The following FTO variants were observed in gnomAD, a reference collection of about 807,000 sequenced individuals.
The protein encoded by FTO is FTO alpha-ketoglutarate dependent dioxygenase, also known as alpha-ketoglutarate-dependent dioxygenase FTO.
A neutral mutation model predicts 63.9 loss-of-function variants in FTO; 47 were observed. That is an observed-to-expected ratio of 0.74 (90% CI 0.58 to 0.94). The LOEUF (loss-of-function observed/expected upper bound fraction) is 0.94, where lower values mean the gene tolerates loss of function less well. Ranked by LOEUF, FTO falls within the 40% of genes least tolerant of loss-of-function variation. The pLI, the probability that FTO is intolerant of heterozygous loss-of-function variation, is 0.00. For missense variants in FTO, 562 were observed against 618.1 expected (o/e 0.91, Z 0.96); for synonymous variants, 207 against 224.4 (o/e 0.92, Z 0.69).
intron 7 of FTO, among the ~76,000 whole-genome samples, chr16:53,908,645 A>G (rs1598963705): frequency 6.6e-6 from 1 of 152,218 alleles, no homozygotes; most frequent in Admixed American, 6.5e-5. Flanking sequence ...GTACTTTGGC[A>G]CTTCAGAGCC....
chr16:53,718,684 T>G (rs2075954451), intron 1 of FTO, among the ~76,000 whole-genome samples: 1 of 152,168 alleles, frequency 6.6e-6, no homozygotes, highest in Non-Finnish European at 1.5e-5. Flanking sequence ...AGGTTGAATT[T>G]TATTGAATTT....
chr16:53,967,562 G>A (rs1407888192), intron 8 of FTO, among the ~76,000 whole-genome samples: 2 of 152,136 alleles, frequency 1.3e-5, no homozygotes, highest in African/African-American at 4.8e-5. Flanking sequence ...ACAAGCCAAC[G>A]CAGTGAAATT....
At chr16:53,738,111 C>T (rs1201999834) in intron 1 of FTO, among the ~76,000 whole-genome samples, 4 of 151,064 alleles carry the variant, frequency 2.6e-5, no homozygotes, top group Non-Finnish European at 4.4e-5. Context: ...CAGCAACCTC[C>T]GCCTCCTGGG....
chr16:54,016,308 A>C (rs1156389565), intron 8 of FTO, among the ~76,000 whole-genome samples: 3 of 150,264 alleles, frequency 2.0e-5, no homozygotes, highest in Non-Finnish European at 3.0e-5. Flanking sequence ...AAAAAAAAAA[A>C]AAAAAAACTG....
chr16:54,053,969 T>C (rs1489268436), intron 8 of FTO, among the ~76,000 whole-genome samples: 1 of 152,160 alleles, frequency 6.6e-6, no homozygotes, highest in Non-Finnish European at 1.5e-5. Flanking sequence ...GGTTCTCTTT[T>C]GGCTCCTGCA....
intron 1 of FTO, among the ~76,000 whole-genome samples, chr16:53,808,925 G>A (rs1425462092): frequency 3.9e-5 from 6 of 152,166 alleles, no homozygotes; most frequent in African/African-American, 1.4e-4. Flanking sequence ...GATAATGTCT[G>A]TTGTATGTAC....
intron 8 of FTO, among the ~76,000 whole-genome samples, chr16:54,089,047 C>T (rs147482575): frequency 5.4e-4 from 82 of 152,178 alleles, no homozygotes; most frequent in African/African-American, 1.8e-3. Flanking sequence ...GGTTTGAGGG[C>T]GAATTCCGTG....
chr16:54,071,085 C>T (rs1332620491), intron 8 of FTO: 1 of 152,248 alleles, frequency 6.6e-6, no homozygotes, highest in Non-Finnish European at 1.5e-5. Flanking sequence ...AGCTCAGTCT[C>T]ATGGCAGCCA....
chr16:54,052,700 TG>T (rs1286410259), intron 8 of FTO: 1 of 150,590 alleles, frequency 6.6e-6, no homozygotes, highest in African/African-American at 2.5e-5. Flanking sequence ...TCTCAATTAT[TG>T]GTGTGGATAT....
intron 8 of FTO, among the ~76,000 whole-genome samples, chr16:53,959,170 A>G (rs1019378838): frequency 2.6e-5 from 4 of 152,224 alleles, no homozygotes; most frequent in Admixed American, 2.0e-4. Flanking sequence ...AAAGATGTCA[A>G]GTAACCTTCC....
chr16:53,835,670 G>A (rs1229479844), intron 3 of FTO, among the ~76,000 whole-genome samples: 2 of 151,768 alleles, frequency 1.3e-5, no homozygotes, highest in Non-Finnish European at 2.9e-5. Flanking sequence ...TCATTGTGTA[G>A]GGCTTTCAAT....
chr16:53,787,086 G>A (rs2077761054), intron 1 of FTO, among the ~76,000 whole-genome samples: 1 of 120,720 alleles, frequency 8.3e-6, no homozygotes, highest in Non-Finnish European at 1.6e-5. Flanking sequence ...ACTCTAGCCT[G>A]GGCAACAGAG....
chr16:53,987,108 G>C (rs1289909214), intron 8 of FTO, among the ~76,000 whole-genome samples: 2 of 151,868 alleles, frequency 1.3e-5, no homozygotes, highest in African/African-American at 4.8e-5. Context: ...CCAGTCGCTG[G>C]AATACGTCTT....
intron 8 of FTO, among the ~76,000 whole-genome samples, chr16:53,947,055 T>G (rs77271058): frequency 6.6e-6 from 1 of 152,156 alleles, no homozygotes; most frequent in East Asian, 1.9e-4. Context: ...ATCTTGAAGG[T>G]AAAATGTAAC....
chr16:53,886,996 T>G (rs1373615123), intron 6 of FTO: 9 of 152,214 alleles, frequency 5.9e-5, no homozygotes, highest in Non-Finnish European at 1.5e-5. Flanking sequence ...ACCTTGATTT[T>G]CAAGTTGATG....
chr16:53,844,068 T>C (rs2079549769), intron 3 of FTO, 87 bp from the exon 4 acceptor site: 1 of 1,010,084 alleles, frequency 9.9e-7, no homozygotes, highest in South Asian at 1.5e-5. Flanking sequence ...TTTATTAAAA[T>C]ATCAATTCTT....
intron 3 of FTO, among the ~76,000 whole-genome samples, chr16:53,839,801 TTATTTATTTATTTATTTA>T (rs2079415896): frequency 2.0e-5 from 2 of 99,768 alleles, no homozygotes; most frequent in Non-Finnish European, 3.9e-5. Context: ...ATTTATTTAT[TTATTTATTTATTTATTTA>T]TTTTAAGGTG....
intron 8 of FTO, chr16:53,993,168 G>A (rs2083854153): frequency 6.6e-6 from 1 of 152,174 alleles, no homozygotes; most frequent in Admixed American, 6.5e-5. Flanking sequence ...AACAGCACTT[G>A]ATTTTAATGG....
At chr16:53,750,428 G>A (rs2076761014) in intron 1 of FTO, among the ~76,000 whole-genome samples, 1 of 152,006 alleles carries the variant, frequency 6.6e-6, no homozygotes, top group Non-Finnish European at 1.5e-5. Flanking sequence ...TAGTAGAGAT[G>A]GGGTTTTGCC....
Sources: allele counts gnomAD v4.1 joint callset (sites outside exome capture counted in the v4.1 genomes callset), GRCh38; gene constraint gnomAD v4.1.1; transcripts MANE v1.5; gene names NCBI Gene and HGNC (gene_info 2026-07-23, HGNC 2026-07-21).